NAALADL2: variants seen among roughly 807,000 people sequenced by gnomAD.
The protein encoded by NAALADL2 is N-acetylated alpha-linked acidic dipeptidase like 2.
In NAALADL2, 76 loss-of-function variants were observed where a neutral mutation model predicts 87.2. The ratio of observed to expected loss-of-function variants is 0.87; its 90% CI spans 0.72 to 1.05. The LOEUF is 1.05. NAALADL2 is among the 50% of genes least tolerant of loss of function. NAALADL2 has a pLI of 0.00. For missense variants in NAALADL2, 1,089 were observed against 945.8 expected, an observed-to-expected ratio of 1.15 and a Z score of -1.99; for synonymous variants, 354 against 331.0, an observed-to-expected ratio of 1.07 and a Z score of -0.75.
intron 12 of NAALADL2, among the ~76,000 whole-genome samples, chr3:175,752,846 C>T (rs915229595): frequency 1.3e-5 from 2 of 152,154 alleles, no homozygotes; most frequent in Non-Finnish European, 2.9e-5. Context: ...ATGGAAGACT[C>T]TCAAGGATGT....
At chr3:175,762,134 T>G (rs1422336917) in intron 13 of NAALADL2, among the ~76,000 whole-genome samples, 1 of 151,914 alleles carries the variant, frequency 6.6e-6, no homozygotes, top group African/African-American at 2.4e-5. Flanking sequence ...CATTTTACAT[T>G]TAGGTCTATG....
intron 3 of NAALADL2, among the ~76,000 whole-genome samples, chr3:174,834,056 A>C (rs931833898): frequency 6.7e-6 from 1 of 149,846 alleles, no homozygotes; most frequent in African/African-American, 2.5e-5. Flanking sequence ...CATTGTAATA[A>C]AGGAAGAAAA....
chr3:174,967,459 C>A (rs1327721406), intron 1 of NAALADL2, among the ~76,000 whole-genome samples: 1 of 151,818 alleles, frequency 6.6e-6, no homozygotes, highest in Non-Finnish European at 1.5e-5. Flanking sequence ...GACTTTGTTG[C>A]TCCTGTCTCA....
At chr3:174,819,945 C>T (rs1721241298) in intron 3 of NAALADL2, among the ~76,000 whole-genome samples, 1 of 152,056 alleles carries the variant, frequency 6.6e-6, no homozygotes, top group Non-Finnish European at 1.5e-5. Context: ...CTTCCTAATC[C>T]AATTTCTCCA....
intron 5 of NAALADL2, among the ~76,000 whole-genome samples, chr3:175,372,306 A>G (rs1175669053): frequency 6.6e-6 from 1 of 152,144 alleles, no homozygotes; most frequent in East Asian, 1.9e-4. Context: ...TGGAGCGAAA[A>G]CATGCATGTC....
At chr3:175,265,983 T>TGTTTG (rs1365720485) in intron 4 of NAALADL2, among the ~76,000 whole-genome samples, 1 of 147,100 alleles carries the variant, frequency 6.8e-6, no homozygotes, top group African/African-American at 2.5e-5. Context: ...GGTTTATAGA[T>TGTTTG]CATATATATT....
chr3:174,835,323 C>A (rs1175874197), intron 3 of NAALADL2, among the ~76,000 whole-genome samples: 2 of 151,950 alleles, frequency 1.3e-5, no homozygotes, highest in Non-Finnish European at 2.9e-5. Context: ...AGAAGTTGGA[C>A]CCTTACCTTA....
chr3:175,543,650 T>C (rs1380824666), intron 9 of NAALADL2, among the ~76,000 whole-genome samples: 1 of 152,040 alleles, frequency 6.6e-6, no homozygotes, highest in African/African-American at 2.4e-5. Flanking sequence ...GAGAACTCAC[T>C]TTCTATCATG....
At chr3:175,569,578 A>C (rs988399595) in intron 9 of NAALADL2, among the ~76,000 whole-genome samples, 3 of 152,068 alleles carry the variant, frequency 2.0e-5, no homozygotes, top group Non-Finnish European at 4.4e-5. Flanking sequence ...AGCCCTAGTG[A>C]ATGAAATTAA....
chr3:174,587,123 G>A (rs950306034), intron 2 of NAALADL2, among the ~76,000 whole-genome samples: 1 of 152,012 alleles, frequency 6.6e-6, no homozygotes, highest in Non-Finnish European at 1.5e-5. Flanking sequence ...TGAGAATGAT[G>A]GTTTCCAGCT....
Position 174,977,385 on chromosome 3 carries a change from A to G in NAALADL2, c.43+117935A>G, listed in dbSNP as rs376620117. 3.9e-3 allele frequency among the ~76,000 whole-genome samples: 587 copies of G among 152,266 alleles called. 5 individuals carry two copies. The highest frequency in any genetic ancestry group is 0.014 in the African/African-American group (565 of 41,576). On this transcript the variant is annotated intron_variant, in intron 1 of 13. Coordinates refer to ENST00000454872, the MANE Select transcript of NAALADL2 (RefSeq NM_207015.3). ...GGTGATCCACCCACCTCGGCCTCCC[A>G]AAGTACTGCGATTACAGGCATGAGC...
At chr3:175,515,920 G>A (rs371051262) in intron 9 of NAALADL2, among the ~76,000 whole-genome samples, 9 of 152,206 alleles carry the variant, frequency 5.9e-5, no homozygotes, top group Non-Finnish European at 1.3e-4. Context: ...AATTTTTACA[G>A]GGGAAAATGC....
intron 2 of NAALADL2, among the ~76,000 whole-genome samples, chr3:174,711,532 T>G (rs1730633458): frequency 6.6e-6 from 1 of 152,216 alleles, no homozygotes. Flanking sequence ...GCTCTGGCCT[T>G]TTCTAATTTC....
intron 2 of NAALADL2, among the ~76,000 whole-genome samples, chr3:175,199,403 G>A (rs1739473714): frequency 1.3e-5 from 2 of 151,982 alleles, no homozygotes; most frequent in South Asian, 4.1e-4. Flanking sequence ...TTGATACCAT[G>A]CTTTACTCCT....
chr3:175,353,695 G>A (rs546878413), intron 5 of NAALADL2, among the ~76,000 whole-genome samples: 1 of 152,146 alleles, frequency 6.6e-6, no homozygotes, highest in Admixed American at 6.5e-5. Flanking sequence ...GAAAGGAAAA[G>A]ATTTGAAATC....
chr3:175,620,063 ATC>A (rs1479632432), intron 10 of NAALADL2, among the ~76,000 whole-genome samples: 39 of 127,614 alleles, frequency 3.1e-4, no homozygotes. Context: ...GAGAATTTTT[ATC>A]TCTTTTTGGA....
At chr3:175,390,041 C>A (rs769767236) in intron 5 of NAALADL2, among the ~76,000 whole-genome samples, 7 of 151,766 alleles carry the variant, frequency 4.6e-5, no homozygotes, top group Non-Finnish European at 8.8e-5. Context: ...TTTATTGTCA[C>A]CAGAATTATT....
chr3:174,489,420 T>C (rs1718046914), intron 1 of NAALADL2, among the ~76,000 whole-genome samples: 1 of 152,054 alleles, frequency 6.6e-6, no homozygotes, highest in Non-Finnish European at 1.5e-5. Context: ...CTTCATGACC[T>C]TGGGCTCTGT....
At chr3:175,325,345 A>T (rs1760575475) in intron 5 of NAALADL2, among the ~76,000 whole-genome samples, 1 of 152,210 alleles carries the variant, frequency 6.6e-6, no homozygotes, top group African/African-American at 2.4e-5. Context: ...ATATGCTACA[A>T]AAGTATTCCT....
Sources: gnomAD v4.1 joint callset for allele counts (sites outside exome capture counted in the v4.1 genomes callset) on GRCh38, gnomAD v4.1.1 for gene constraint, MANE v1.5 for transcripts, NCBI Gene and HGNC (gene_info 2026-07-23, HGNC 2026-07-21) for gene names.